The following IBTK variants were observed in gnomAD, a reference collection of about 807,000 sequenced individuals.
IBTK encodes inhibitor of Bruton tyrosine kinase, also known as BTK-binding protein.
In IBTK, 83 loss-of-function variants were observed where a neutral mutation model predicts 154.9. That is an observed-to-expected ratio of 0.54 (90% CI 0.45 to 0.64). The LOEUF (loss-of-function observed/expected upper bound fraction) is 0.64, where lower values mean the gene tolerates loss of function less well. IBTK is among the 30% of genes least tolerant of loss of function. The pLI is 0.00. For synonymous variants in IBTK, 515 were observed against 536.1 expected, an observed-to-expected ratio of 0.96 and a Z score of 0.54; for missense variants, 1,332 against 1,584.6, an observed-to-expected ratio of 0.84 and a Z score of 2.71.
In IBTK at chr6:82,197,372, A is replaced by AT. The variant is rs1407766617; in HGVS notation, c.3026-927_3026-926insA. On this transcript the variant is annotated intron_variant, in intron 21 of 28. Transcript: ENST00000306270. Reference sequence around the variant, plus strand: ...TTTTTTTTGCCACACAATCTTTTTGAATTTTTTTTTTTTTTTGAGACAGAG... The same window carrying AT: ...TTTTTTTTGCCACACAATCTTTTTGATATTTTTTTTTTTTTTTGAGACAGAG... Among the ~76,000 whole-genome samples, 3 of 83,020 alleles carry AT rather than the reference A, an allele frequency of 3.6e-5. No individual in the cohort carries two copies. In the Admixed American group the frequency reaches 4.3e-4, roughly 12 times the overall value. 54.5% of individuals were successfully genotyped at this position (83,020 alleles called of 152,430 possible).
Sources: allele counts gnomAD v4.1 joint callset (sites outside exome capture counted in the v4.1 genomes callset), GRCh38; gene constraint gnomAD v4.1.1; transcripts MANE v1.5; gene names NCBI Gene and HGNC (gene_info 2026-07-23, HGNC 2026-07-21).